UMAD1: variants seen among roughly 807,000 people sequenced by gnomAD.
UMAD1 encodes UBAP1-MVB12-associated (UMA) domain containing 1.
A neutral mutation model predicts 6.1 loss-of-function variants in UMAD1; 8 were observed. The observed-to-expected ratio is 1.30, with a 90% CI of 0.76 to 2.35. UMAD1 has a LOEUF of 2.35. Ranked by LOEUF, UMAD1 falls within the 30% of genes most tolerant of loss-of-function variation. The pLI, the probability that UMAD1 is intolerant of heterozygous loss-of-function variation, is 0.00. For missense variants in UMAD1, 130 were observed against 78.4 expected, an observed-to-expected ratio of 1.66 and a Z score of -2.49; for synonymous variants, 56 against 31.4, an observed-to-expected ratio of 1.78 and a Z score of -2.61.
intron 3 of UMAD1, among the ~76,000 whole-genome samples, chr7:7,851,493 G>A (rs1309705062): frequency 6.6e-6 from 1 of 152,134 alleles, no homozygotes. Context: ...ATTTTCTGAA[G>A]TAGCTGCACC....
At chr7:7,849,065 G>C (rs1783863703) in intron 3 of UMAD1, among the ~76,000 whole-genome samples, 2 of 152,128 alleles carry the variant, frequency 1.3e-5, no homozygotes, top group South Asian at 4.1e-4. Flanking sequence ...TGATGGACTT[G>C]ATGGACATGT....
rs527957563 is a variant in UMAD1 at position 7,715,294 on chromosome 7, T to G, written c.82+41841T>G. ...TTTCACCAGATTTATGAATACAGTT[T>G]CATCAATGATCTTGGTGAATAGTAG... is the stretch of plus-strand genomic sequence containing the variant. On this transcript the variant is annotated intron_variant, in intron 2 of 3. Transcript: ENST00000682710. The G allele has an allele frequency of 2.6e-5, 4 of 152,182 alleles. No individual in the cohort carries two copies. The South Asian group carries it at 8.3e-4, about 32-fold the overall frequency. 9.4% of individuals were successfully genotyped at this position (152,182 alleles called of 1,614,324 possible).
chr7:7,713,064 C>T (rs1012541823), intron 2 of UMAD1, among the ~76,000 whole-genome samples: 11 of 152,048 alleles, frequency 7.2e-5, no homozygotes, highest in South Asian at 6.2e-4. Context: ...TAGGGCCGCG[C>T]GCGGTGGCTC....
chr7:7,696,519 G>T (rs1474492100), intron 2 of UMAD1, among the ~76,000 whole-genome samples: 2 of 152,158 alleles, frequency 1.3e-5, no homozygotes, highest in African/African-American at 4.8e-5. Flanking sequence ...TAGTAAAATT[G>T]TAGAAATTCA....
intron 2 of UMAD1, among the ~76,000 whole-genome samples, chr7:7,704,198 A>G (rs1315237306): frequency 2.0e-5 from 3 of 152,178 alleles, no homozygotes; most frequent in Non-Finnish European, 2.9e-5. Flanking sequence ...GAAATTAAGG[A>G]TATTTGTAAA....
intron 2 of UMAD1, among the ~76,000 whole-genome samples, chr7:7,776,262 A>G (rs1782205261): frequency 6.6e-6 from 1 of 152,222 alleles, no homozygotes; most frequent in African/African-American, 2.4e-5. Context: ...GGAATTCGAA[A>G]GCAGCTTGGG....
chr7:7,842,348 TTTG>T (rs1237574812), intron 3 of UMAD1, among the ~76,000 whole-genome samples: 2 of 152,204 alleles, frequency 1.3e-5, no homozygotes, highest in Non-Finnish European at 2.9e-5. Flanking sequence ...TCGTTTATTT[TTTG>T]TTGTTGTATT....
intron 3 of UMAD1, among the ~76,000 whole-genome samples, chr7:7,803,513 C>G (rs967062922): frequency 6.6e-6 from 1 of 152,134 alleles, no homozygotes; most frequent in African/African-American, 2.4e-5. Flanking sequence ...GAGATAACCA[C>G]CAGGATGGTT....
At chr7:7,741,804 C>A (rs1217650843) in intron 2 of UMAD1, among the ~76,000 whole-genome samples, 1 of 151,840 alleles carries the variant, frequency 6.6e-6, no homozygotes, top group Non-Finnish European at 1.5e-5. Flanking sequence ...TGCATTTCTT[C>A]ATCCTTGTAA....
chr7:7,654,976 T>C (rs975119003), intron 1 of UMAD1, among the ~76,000 whole-genome samples: 1 of 152,122 alleles, frequency 6.6e-6, no homozygotes, highest in Non-Finnish European at 1.5e-5. Flanking sequence ...TTTTGCTTCA[T>C]AGTAGGATTG....
chr7:7,844,952 CA>C (rs1486150078), intron 3 of UMAD1, among the ~76,000 whole-genome samples: 1 of 152,060 alleles, frequency 6.6e-6, no homozygotes. Flanking sequence ...CTGTTTAGTA[CA>C]AAAGAATCCC....
chr7:7,845,716 A>G (rs1200611603), intron 3 of UMAD1, among the ~76,000 whole-genome samples: 1 of 152,154 alleles, frequency 6.6e-6, no homozygotes, highest in Non-Finnish European at 1.5e-5. Context: ...TGAAAACCTT[A>G]CATACAGAAC....
intron 2 of UMAD1, among the ~76,000 whole-genome samples, chr7:7,699,334 C>T (rs563875573): frequency 6.6e-6 from 1 of 152,162 alleles, no homozygotes; most frequent in East Asian, 1.9e-4. Flanking sequence ...TATATTTATG[C>T]TTTAATCACT....
intron 3 of UMAD1, among the ~76,000 whole-genome samples, chr7:7,871,483 CTTTAATACGGGA>C (rs1784331615): frequency 6.6e-6 from 1 of 152,166 alleles, no homozygotes. Flanking sequence ...TTCCTCTTGT[CTTTAATACGGGA>C]CTAATAGGAG....
At chr7:7,861,502 A>G (rs1040519137) in intron 3 of UMAD1, among the ~76,000 whole-genome samples, 1 of 152,238 alleles carries the variant, frequency 6.6e-6, no homozygotes, top group African/African-American at 2.4e-5. Flanking sequence ...AGTTTGCCAA[A>G]CATTGTTTTT....
At chr7:7,750,185 A>G (rs934798119) in intron 2 of UMAD1, among the ~76,000 whole-genome samples, 2 of 152,154 alleles carry the variant, frequency 1.3e-5, no homozygotes, top group Non-Finnish European at 2.9e-5. Flanking sequence ...TGTAATTTTA[A>G]CTAATATCTT....
At chr7:7,756,626 C>T (rs142772655) in intron 2 of UMAD1, among the ~76,000 whole-genome samples, 1 of 152,170 alleles carries the variant, frequency 6.6e-6, no homozygotes, top group Non-Finnish European at 1.5e-5. Flanking sequence ...TCTCCCACAT[C>T]ATGGGTTGCT....
At chr7:7,669,587 C>A (rs1779554514) in intron 1 of UMAD1, among the ~76,000 whole-genome samples, 1 of 152,176 alleles carries the variant, frequency 6.6e-6, no homozygotes, top group Non-Finnish European at 1.5e-5. Context: ...CCTTAGGTAC[C>A]TAGTGGCATG....
chr7:7,773,593 C>G (rs1369477575), intron 2 of UMAD1, among the ~76,000 whole-genome samples: 4 of 152,256 alleles, frequency 2.6e-5, no homozygotes, highest in Middle Eastern at 3.4e-3. Flanking sequence ...AAACAGGAAC[C>G]TATTGTGTTC....
Sources: allele counts gnomAD v4.1 joint callset (sites outside exome capture counted in the v4.1 genomes callset), GRCh38; gene constraint gnomAD v4.1.1; transcripts MANE v1.5; gene names NCBI Gene and HGNC (gene_info 2026-07-23, HGNC 2026-07-21).